Variants in CHMP2B observed in about 807,000 individuals in gnomAD.
The protein encoded by CHMP2B is charged multivesicular body protein 2B.
CHMP2B carries 22 observed loss-of-function variants against 29.8 expected under a neutral mutation model. The ratio of observed to expected loss-of-function variants is 0.74; its 90% confidence interval spans 0.53 to 1.05. CHMP2B has a LOEUF of 1.05. CHMP2B is among the 50% of genes least tolerant of loss of function. The pLI is 0.00. For synonymous variants in CHMP2B, 78 were observed against 75.8 expected (o/e 1.03, Z -0.15); for missense variants, 261 against 252.2 (o/e 1.03, Z -0.24).
intron 3 of CHMP2B, among the ~76,000 whole-genome samples, chr3:87,249,448 A>G (rs903904048): frequency 5.9e-5 from 9 of 152,096 alleles, no homozygotes; most frequent in African/African-American, 2.2e-4. Flanking sequence ...TAATAGATTA[A>G]GTATATATGC....
At chr3:87,231,292 G>A (rs1299146734) in intron 1 of CHMP2B, among the ~76,000 whole-genome samples, 1 of 152,122 alleles carries the variant, frequency 6.6e-6, no homozygotes, top group South Asian at 2.1e-4. Flanking sequence ...TCCTCTTCCA[G>A]TGTTGACAGT....
intron 1 of CHMP2B, among the ~76,000 whole-genome samples, chr3:87,230,123 G>A (rs912467776): frequency 4.6e-5 from 7 of 152,066 alleles, no homozygotes; most frequent in African/African-American, 7.2e-5. Context: ...TAGATTAATA[G>A]TGACCTATTT....
chr3:87,230,325 C>T (rs1705882629), intron 1 of CHMP2B, among the ~76,000 whole-genome samples: 1 of 152,140 alleles, frequency 6.6e-6, no homozygotes, highest in African/African-American at 2.4e-5. Flanking sequence ...TCTCATAAAA[C>T]ATATAAGTAC....
intron 1 of CHMP2B, chr3:87,240,394 A>G: frequency 3.7e-6 from 1 of 269,426 alleles, no homozygotes; most frequent in South Asian, 4.0e-5. Flanking sequence ...CAACGCAACC[A>G]TCACCTCCCA....
intron 1 of CHMP2B, among the ~76,000 whole-genome samples, chr3:87,234,288 T>C (rs2106894478): frequency 6.6e-6 from 1 of 152,326 alleles, no homozygotes; most frequent in East Asian, 1.9e-4. Context: ...GTTTTGTTTT[T>C]ATTTTTTATT....
At chr3:87,230,070 A>G (rs1395540812) in intron 1 of CHMP2B, among the ~76,000 whole-genome samples, 1 of 152,164 alleles carries the variant, frequency 6.6e-6, no homozygotes, top group African/African-American at 2.4e-5. Context: ...ATACATATAT[A>G]TAGTGTGTTA....
intron 4 of CHMP2B, chr3:87,253,114 T>A: frequency 3.1e-6 from 1 of 320,102 alleles, no homozygotes; most frequent in Non-Finnish European, 5.9e-6. Flanking sequence ...ATCTTAAACA[T>A]GTAGCTGTGA....
chr3:87,232,459 T>TA (rs1159401403), intron 1 of CHMP2B, among the ~76,000 whole-genome samples: 3 of 152,184 alleles, frequency 2.0e-5, no homozygotes, highest in Non-Finnish European at 2.9e-5. Flanking sequence ...TCTGGATATT[T>TA]AAAAAACTCA....
chr3:87,237,747 T>C (rs1270389444), intron 1 of CHMP2B, among the ~76,000 whole-genome samples: 1 of 151,754 alleles, frequency 6.6e-6, no homozygotes, highest in East Asian at 1.9e-4. Context: ...ATGTGTTTAA[T>C]TTTTTTTTCA....
chr3:87,249,235 T>A (rs1397271809), intron 3 of CHMP2B, among the ~76,000 whole-genome samples: 2 of 152,134 alleles, frequency 1.3e-5, no homozygotes, highest in Non-Finnish European at 2.9e-5. Context: ...TATAATCTTA[T>A]GGGGCCACTG....
chr3:87,250,006 A>G (rs367788908), intron 4 of CHMP2B, 29 bp downstream of exon 4: 81 of 1,333,078 alleles, frequency 6.1e-5, no homozygotes, highest in South Asian at 3.1e-4. Context: ...AATGAAATTT[A>G]TAGTTTTCTC....
intron 1 of CHMP2B, among the ~76,000 whole-genome samples, chr3:87,236,860 C>T (rs1706024124): frequency 6.6e-6 from 1 of 151,682 alleles, no homozygotes; most frequent in East Asian, 1.9e-4. Flanking sequence ...CAAAACAAAA[C>T]AAAACAAAAC....
chr3:87,239,677 C>T (rs907244793), intron 1 of CHMP2B, among the ~76,000 whole-genome samples: 1 of 152,122 alleles, frequency 6.6e-6, no homozygotes, highest in Non-Finnish European at 1.5e-5. Context: ...GCCTTCCTAA[C>T]ATTGAGTTTT....
intron 3 of CHMP2B, among the ~76,000 whole-genome samples, chr3:87,248,989 A>C (rs1337414054): frequency 1.3e-5 from 2 of 152,208 alleles, no homozygotes; most frequent in African/African-American, 2.4e-5. Flanking sequence ...GCTTAACAAT[A>C]GGGATACATT....
chr3:87,229,352 G>A (rs1225578031), intron 1 of CHMP2B, among the ~76,000 whole-genome samples: 2 of 152,106 alleles, frequency 1.3e-5, no homozygotes, highest in Admixed American at 1.3e-4. Context: ...ACTCTTGCTA[G>A]GAACTATGCC....
chr3:87,244,030 T>TTTTTTTG (rs977249597), intron 2 of CHMP2B, among the ~76,000 whole-genome samples: 3 of 144,674 alleles, frequency 2.1e-5, no homozygotes, highest in Admixed American at 7.2e-5. Flanking sequence ...TTTGTTTTTT[T>TTTTTTTG]TTTTTTGTTT....
intron 1 of CHMP2B, among the ~76,000 whole-genome samples, chr3:87,230,938 C>T (rs13061754): frequency 0.31 from 47,590 of 151,878 alleles, 9,298 homozygotes; most frequent in Non-Finnish European, 0.44. Flanking sequence ...CAAGACATAG[C>T]ACTCTCTTAA....
chr3:87,243,485 A>G (rs963748974), intron 2 of CHMP2B, among the ~76,000 whole-genome samples: 4 of 151,966 alleles, frequency 2.6e-5, no homozygotes, highest in African/African-American at 9.7e-5. Context: ...TATCAGGGTA[A>G]TAATGCTGGC....
intron 3 of CHMP2B, 84 bp from the exon 4 acceptor site, chr3:87,249,791 T>C (rs1706281839): frequency 2.6e-6 from 2 of 772,658 alleles, no homozygotes; most frequent in Non-Finnish European, 4.5e-6. Context: ...CCTATCTATA[T>C]TTGATGTGTT....
Sources: allele counts gnomAD v4.1 joint callset (sites outside exome capture counted in the v4.1 genomes callset), GRCh38; gene constraint gnomAD v4.1.1; transcripts MANE v1.5; gene names NCBI Gene and HGNC (gene_info 2026-07-23, HGNC 2026-07-21).